Variants in DOCK10 observed in about 807,000 individuals in gnomAD.
DOCK10 encodes the protein dedicator of cytokinesis protein 10.
A neutral mutation model predicts 280.1 loss-of-function variants in DOCK10; 145 were observed. The ratio of observed to expected loss-of-function variants is 0.52; its 90% CI spans 0.45 to 0.59. DOCK10 has a LOEUF of 0.59. DOCK10 is among the 20% of genes least tolerant of loss of function. The pLI is 0.00. For missense variants in DOCK10, 2,368 were observed against 2,651.7 expected, an observed-to-expected ratio of 0.89 and a Z score of 2.35; for synonymous variants, 915 against 942.2, an observed-to-expected ratio of 0.97 and a Z score of 0.53.
At chr2:224,893,987 T>A (rs1031866981) in intron 4 of DOCK10, among the ~76,000 whole-genome samples, 2 of 152,244 alleles carry the variant, frequency 1.3e-5, no homozygotes, top group African/African-American at 4.8e-5. Context: ...TCAGTGCTCA[T>A]CTTCATTGTT....
In DOCK10 at chr2:224,970,901, C is replaced by T. The variant is rs935910341; in HGVS notation, c.124-39233G>A. 1.3e-5 allele frequency among the ~76,000 whole-genome samples: 2 copies of T among 152,174 alleles called. No individual in the cohort carries two copies. The highest frequency in any genetic ancestry group is 6.5e-5 in the Admixed American group (1 of 15,286). ...TGTAGCTAGCATCTATGTAGTTTCA[C>T]TTAAAATTCTGCACATACCTTGGAA... is the stretch of plus-strand genomic sequence containing the variant. On this transcript the variant is annotated intron_variant, in intron 1 of 55. Coordinates refer to ENST00000258390, the MANE Select transcript of DOCK10 (RefSeq NM_014689.3). This position sits in a 1 kb window ranked among gnomAD's most constrained non-coding sequence, Gnocchi z 4.6.
At chr2:224,921,112 A>AATATATATATATATATATAT (rs1201609470) in intron 2 of DOCK10, among the ~76,000 whole-genome samples, 25 of 54,310 alleles carry the variant, frequency 4.6e-4, no homozygotes, top group East Asian at 8.1e-4. Flanking sequence ...AAAAAAAAAA[A>AATATATATATATATATATAT]ATATATATAT....
chr2:224,870,185 C>T (rs1698179353), intron 11 of DOCK10, among the ~76,000 whole-genome samples: 1 of 152,196 alleles, frequency 6.6e-6, no homozygotes, highest in Non-Finnish European at 1.5e-5. Context: ...TTTTGCTTGG[C>T]ATTTCCCTTT....
Position 224,974,087 on chromosome 2 carries a change from TATC to T in DOCK10, c.124-42422_124-42420del, listed in dbSNP as rs1705255195. Among the ~76,000 whole-genome samples the T allele has an allele frequency of 3.9e-5, 6 of 152,294 alleles. No homozygotes were observed. In the South Asian group the frequency reaches 1.2e-3, roughly 32 times the overall value. Reference sequence around the variant, plus strand: ...AGAATGCAATTCTCAGGGAAGTACTTATCATGATTACAATTTTCCATTTGTTTG... The same window carrying T: ...AGAATGCAATTCTCAGGGAAGTACTTATGATTACAATTTTCCATTTGTTTG... On this transcript the variant is annotated intron_variant, in intron 1 of 55. Coordinates refer to ENST00000258390, the MANE Select transcript of DOCK10 (RefSeq NM_014689.3).
intron 27 of DOCK10, among the ~76,000 whole-genome samples, chr2:224,827,583 C>T (rs1446292180): frequency 6.6e-6 from 1 of 152,116 alleles, no homozygotes; most frequent in African/African-American, 2.4e-5. Flanking sequence ...GATGAGAAAA[C>T]AGGCACTGAG....
chr2:224,825,686 C>T (rs1192805162), intron 27 of DOCK10, among the ~76,000 whole-genome samples: 2 of 152,238 alleles, frequency 1.3e-5, no homozygotes, highest in East Asian at 1.9e-4. Context: ...CCTACTCTCA[C>T]TCTGAACCCA....
chr2:224,772,241 A>C (rs1462253198), intron 53 of DOCK10, among the ~76,000 whole-genome samples: 1 of 152,156 alleles, frequency 6.6e-6, no homozygotes, highest in African/African-American at 2.4e-5. Context: ...TTTAGGGTCC[A>C]ATATAGCTGT....
intron 26 of DOCK10, 31 bp downstream of exon 26, chr2:224,834,119 C>A: frequency 1.5e-6 from 2 of 1,330,246 alleles, no homozygotes; most frequent in Non-Finnish European, 1.1e-6. Flanking sequence ...GCCTAGTACT[C>A]ACAGTTAAAG....
Position 224,853,121 on chromosome 2 carries a change from A to G in DOCK10, c.1890T>C (p.Asn630=), listed in dbSNP as rs1696867590. The change falls in exon 17 of 56, where the codon AAT becomes AAC. Residue 630 remains asparagine, a splice_region_variant and synonymous_variant. Coordinates refer to ENST00000258390, the MANE Select transcript of DOCK10 (RefSeq NM_014689.3). ...AVDNVPLEHP[N]CVTSSFIPVK... is the part of the protein sequence containing the mutation. ...CAGGGATAAAGGACGATGTTACACA[A>G]TCTTAAAAAATCAGAAAATAAGAGT... 1 of 1,555,670 alleles carries G rather than the reference A, an allele frequency of 6.4e-7. No individual in the cohort carries two copies. The highest frequency in any genetic ancestry group is 1.2e-5 in the South Asian group (1 of 82,534).
intron 1 of DOCK10, among the ~76,000 whole-genome samples, chr2:224,948,441 G>A (rs1023019019): frequency 2.0e-5 from 3 of 152,188 alleles, no homozygotes; most frequent in Non-Finnish European, 4.4e-5. Context: ...TCCACCATAT[G>A]TCTTTAGTGC....
At chr2:224,969,299 C>T (rs749746518) in intron 1 of DOCK10, among the ~76,000 whole-genome samples, 11 of 152,202 alleles carry the variant, frequency 7.2e-5, no homozygotes, top group Non-Finnish European at 1.5e-4. Context: ...TCTTGGTGTT[C>T]TTTAATGACC....
chr2:224,968,726 T>C (rs919883381), intron 1 of DOCK10, among the ~76,000 whole-genome samples: 1 of 152,244 alleles, frequency 6.6e-6, no homozygotes, highest in Admixed American at 6.5e-5. Flanking sequence ...AATTTAAAAA[T>C]CTGGTTACCA....
chr2:224,959,681 C>A (rs1174452470), intron 1 of DOCK10, among the ~76,000 whole-genome samples: 1 of 152,144 alleles, frequency 6.6e-6, no homozygotes, highest in Non-Finnish European at 1.5e-5. Context: ...TGTTTTCACA[C>A]CCACTTAATT....
At chr2:224,798,078 T>C in intron 41 of DOCK10, 109 bp from the exon 42 acceptor site, 1 of 1,083,208 alleles carries the variant, frequency 9.2e-7, no homozygotes, top group South Asian at 1.5e-5. Context: ...TTTTGAGTGC[T>C]AGAAATAAAG....
At chr2:225,041,751 C>CG (rs1275114343) in intron 1 of DOCK10, among the ~76,000 whole-genome samples, 2 of 152,044 alleles carry the variant, frequency 1.3e-5, no homozygotes, top group East Asian at 1.9e-4. Context: ...TAGTTAACGT[C>CG]GGGGGGCCCC....
chr2:224,957,464 AT>A (rs202069474), intron 1 of DOCK10, among the ~76,000 whole-genome samples: 1 of 151,510 alleles, frequency 6.6e-6, no homozygotes, highest in Non-Finnish European at 1.5e-5. Flanking sequence ...TTTCATTTTA[AT>A]TTTTTTTGAG....
At chr2:224,772,516 C>T (rs1690519483) in intron 53 of DOCK10, among the ~76,000 whole-genome samples, 1 of 152,158 alleles carries the variant, frequency 6.6e-6, no homozygotes, top group Admixed American at 6.5e-5. Context: ...ACTTGTCTGT[C>T]ATCAGATGGA....
At chr2:224,956,030 A>C (rs1178085847) in intron 1 of DOCK10, among the ~76,000 whole-genome samples, 1 of 152,270 alleles carries the variant, frequency 6.6e-6, no homozygotes, top group Non-Finnish European at 1.5e-5. Context: ...GATGGTACAC[A>C]TAAAACACAA....
At chr2:224,903,144 C>G (rs375838935) in intron 3 of DOCK10, among the ~76,000 whole-genome samples, 1 of 152,146 alleles carries the variant, frequency 6.6e-6, no homozygotes, top group Admixed American at 6.5e-5. Flanking sequence ...ACTTATACCA[C>G]ACACTCTTGA....
Sources: allele counts gnomAD v4.1 joint callset (sites outside exome capture counted in the v4.1 genomes callset), GRCh38; gene constraint gnomAD v4.1.1; non-coding constraint Gnocchi (gnomAD v3.1); transcripts MANE v1.5; gene names NCBI Gene and HGNC (gene_info 2026-07-23, HGNC 2026-07-21).